Variants in SORL1 observed in about 807,000 individuals in gnomAD.
SORL1 encodes sortilin-related receptor.
SORL1 carries 127 observed loss-of-function variants against 273.7 expected under a neutral mutation model. That is an observed-to-expected ratio of 0.46 (90% confidence interval 0.40 to 0.54). SORL1 has a LOEUF of 0.54. Among genes scored for constraint, SORL1 ranks in the 20% least tolerant of loss-of-function variants. The pLI is 0.00. For synonymous variants in SORL1, 1,031 were observed against 1,067.4 expected, an observed-to-expected ratio of 0.97 and a Z score of 0.66; for missense variants, 2,494 against 2,846.1, an observed-to-expected ratio of 0.88 and a Z score of 2.81.
intron 32 of SORL1, among the ~76,000 whole-genome samples, chr11:121,603,095 G>GAT (rs919451290): frequency 3.9e-5 from 6 of 152,342 alleles, no homozygotes; most frequent in African/African-American, 1.4e-4. Flanking sequence ...AGCCCACCTG[G>GAT]ATAATCCAGG....
intron 1 of SORL1, among the ~76,000 whole-genome samples, chr11:121,458,802 C>T (rs546807730): frequency 1.3e-3 from 193 of 152,270 alleles, no homozygotes; most frequent in African/African-American, 4.5e-3. Context: ...TGAGCAAGAT[C>T]AAGATTTGAG....
chr11:121,525,903 C>A (rs59675216), intron 11 of SORL1, among the ~76,000 whole-genome samples: 10,363 of 152,106 alleles, frequency 0.068, 422 homozygotes, highest in East Asian at 0.13. Flanking sequence ...TGGTGCATGC[C>A]TGTAGTCCTA....
intron 22 of SORL1, among the ~76,000 whole-genome samples, chr11:121,567,626 G>T (rs1327306590): frequency 6.6e-6 from 1 of 152,214 alleles, no homozygotes; most frequent in African/African-American, 2.4e-5. Flanking sequence ...AGCACTTTGA[G>T]TCTAGACCTT....
chr11:121,619,802 T>C lies in SORL1; in HGVS notation c.5774T>C (p.Val1925Ala), dbSNP rs1241173134. Residue 1925 changes from valine (V) to alanine (A), a missense_variant, in exon 43 of 48, where the codon GTG becomes GCG. Val to Ala is a moderately conservative substitution (Grantham distance 64, BLOSUM62 0). Transcript: ENST00000260197. ...GGGCCATCCTCTGACTACGTTGTAG[T>C]GAAGATGATCCCGGACAGCAGGCTT... The part of the protein sequence containing the change: ...YQGPSSDYVV[V>A]KMIPDSRLPP... 1 of 1,614,024 alleles carries C rather than the reference T, an allele frequency of 6.2e-7. No homozygotes were observed. The highest frequency in any genetic ancestry group is 1.3e-5 in the African/African-American group (1 of 74,916).
Position 121,550,148 on chromosome 11 carries a change from G to A in SORL1, c.2180+60G>A. The A allele has an allele frequency of 2.6e-6, 4 of 1,546,286 alleles. No individual in the cohort carries two copies. The highest frequency in any genetic ancestry group is 2.0e-5 in the Admixed American group (1 of 50,712). On this transcript the variant is annotated intron_variant, in intron 15 of 47. Coordinates refer to ENST00000260197, the MANE Select transcript of SORL1 (RefSeq NM_003105.6). The surrounding 1 kb of genome is among the most constrained non-coding windows in gnomAD (Gnocchi z 5.3). ...AGCGGTCCGCACATGGAGCGAGAGA[G>A]CATAGAGGACCGTCTGGATTGCTCT...
At position 121,630,485 on chromosome 11, in the gene SORL1, T is replaced by G. The variant is rs1863859822; in HGVS notation, c.*922T>G. The G allele has an allele frequency of 6.6e-6, 1 of 152,248 alleles. No homozygotes were observed. The highest frequency in any genetic ancestry group is 6.5e-5 in the Admixed American group (1 of 15,288). The allele number at this position is 152,248 out of a possible 1,614,324, so 9.4% of individuals were successfully genotyped here. On this transcript the variant is annotated 3_prime_UTR_variant, in exon 48 of 48. Coordinates refer to ENST00000260197, the MANE Select transcript of SORL1 (RefSeq NM_003105.6). ...ACTGGCTAATAGAGTACATAATTTT[T>G]CCATTTTCCATTTTTTGTTTTTACT...
At chr11:121,613,511 A>G (rs1250955118) in intron 40 of SORL1, among the ~76,000 whole-genome samples, 2 of 152,184 alleles carry the variant, frequency 1.3e-5, no homozygotes, top group African/African-American at 4.8e-5. Context: ...ATAGCCTTAT[A>G]AAGTAGAGAC....
intron 5 of SORL1, 85 bp downstream of exon 5, chr11:121,490,195 C>A (rs1000086942): frequency 2.3e-6 from 2 of 877,804 alleles, no homozygotes; most frequent in African/African-American, 3.3e-5. Flanking sequence ...AACTGCCCTC[C>A]CCTGAAATGT....
intron 8 of SORL1, among the ~76,000 whole-genome samples, chr11:121,515,361 A>G (rs1309231231): frequency 6.6e-6 from 1 of 152,170 alleles, no homozygotes; most frequent in East Asian, 1.9e-4. Flanking sequence ...CTTTTATTCT[A>G]TTGGCTGCTT....
intron 14 of SORL1, among the ~76,000 whole-genome samples, chr11:121,548,806 A>G (rs765258110): frequency 1.1e-4 from 16 of 151,984 alleles, no homozygotes; most frequent in Non-Finnish European, 2.2e-4. Flanking sequence ...ACCTCAAGTG[A>G]GCCACCCGCC....
At chr11:121,518,531 G>A (rs945127027) in intron 8 of SORL1, among the ~76,000 whole-genome samples, 1 of 152,208 alleles carries the variant, frequency 6.6e-6, no homozygotes, top group Non-Finnish European at 1.5e-5. Context: ...ATATCTAGAA[G>A]AAGCCCATAA....
Position 121,619,914 on chromosome 11 carries a change from C to T in SORL1, c.5886C>T (p.Asp1962=). 6.2e-7 allele frequency: 1 copy of T among 1,612,996 alleles called. No individual in the cohort carries two copies. Among genetic ancestry groups the T allele is most frequent in the Admixed American group, 1.7e-5 (1 of 60,010 alleles). The part of the protein sequence containing the change: ...WESPYDSPDQ[D]LLYAVAVKDL... ...CACCGTATGACTCTCCTGACCAGGA[C>T]TTGGTGAGTGGGTTGGGCTTCCAGG... Residue 1962 remains aspartate (D), a synonymous_variant, in exon 43 of 48, where the codon GAC becomes GAT. Transcript: ENST00000260197.
At chr11:121,518,128 G>A (rs1008569664) in intron 8 of SORL1, among the ~76,000 whole-genome samples, 9 of 152,192 alleles carry the variant, frequency 5.9e-5, no homozygotes, top group South Asian at 2.1e-4. Flanking sequence ...TGTCAGCCCC[G>A]TGGGTCACCT....
At chr11:121,493,318 G>A (rs117816568) in intron 5 of SORL1, among the ~76,000 whole-genome samples, 4,037 of 152,172 alleles carry the variant, frequency 0.027, 74 homozygotes, top group Middle Eastern at 0.034. Context: ...GTGTAGTAGC[G>A]TGATCTTGGC....
chr11:121,535,617 A>G (rs1468034229), intron 12 of SORL1, among the ~76,000 whole-genome samples: 1 of 151,792 alleles, frequency 6.6e-6, no homozygotes, highest in Non-Finnish European at 1.5e-5. Context: ...TAGTAACTCA[A>G]ATAGGTTGTA....
chr11:121,543,496 CT>C, intron 12 of SORL1, 51 bp from the exon 13 acceptor site: 1 of 1,489,506 alleles, frequency 6.7e-7, no homozygotes, highest in Non-Finnish European at 9.3e-7. Context: ...GAAACCAAGC[CT>C]TTGCCTTAGA....
In SORL1 at chr11:121,545,401, T is replaced by C; in HGVS notation, c.2023T>C (p.Cys675Arg). The C allele has an allele frequency of 6.2e-7, 1 of 1,614,156 alleles. No homozygotes were observed. The highest frequency in any genetic ancestry group is 8.5e-7 in the Non-Finnish European group (1 of 1,180,012). ...DFDRPVVVSN[C>R]SCTREDYECD... ...TGACAGGCCGGTGGTCGTGTCCAAC[T>C]GCTCCTGCACCCGGGAGGACTATGA... is the stretch of plus-strand genomic sequence containing the variant. Residue 675 changes from cysteine (C) to arginine (R), a missense_variant, in exon 14 of 48, where the codon TGC becomes CGC. Cys to Arg is a radical substitution (Grantham distance 180). Around this residue, in one of 3 missense-constraint regions of SORL1, gnomAD observed 710 missense variants for 882.5 expected, o/e 0.80. Coordinates refer to ENST00000260197, the MANE Select transcript of SORL1 (RefSeq NM_003105.6).
intron 1 of SORL1, 74 bp from the exon 2 acceptor site, chr11:121,469,933 G>T (rs1861144008): frequency 1.9e-6 from 2 of 1,033,188 alleles, no homozygotes. Context: ...GACAAAGGAG[G>T]AAAGAGTCTT....
chr11:121,612,961 C>G lies in SORL1; in HGVS notation c.5419+129C>G. ...TTCTCTGGAAGCTGTTCTGTGTTGA[C>G]AGGTTCTTGTGCATTGAGGATCCTA... On this transcript the variant is annotated intron_variant, in intron 40 of 47. Transcript: ENST00000260197. 6.1e-6 allele frequency: 4 copies of G among 653,418 alleles called. No homozygotes were observed. The South Asian group carries it at 7.2e-5, about 12-fold the overall frequency. The allele number at this position is 653,418 out of a possible 1,614,324, so 40.5% of individuals were successfully genotyped here.
Sources: gnomAD v4.1 joint callset for allele counts (sites outside exome capture counted in the v4.1 genomes callset) on GRCh38, gnomAD v4.1.1 for gene constraint, gnomAD v4.1.1 regional missense constraint, Gnocchi (gnomAD v3.1) non-coding constraint, MANE v1.5 for transcripts, NCBI Gene and HGNC (gene_info 2026-07-23, HGNC 2026-07-21) for gene names.